Variants in EPB41L5 observed in about 807,000 individuals in gnomAD.
EPB41L5 encodes erythrocyte membrane protein band 4.1 like 5.
EPB41L5 carries 55 observed loss-of-function variants against 106.6 expected under a neutral mutation model. The ratio of observed to expected loss-of-function variants is 0.52; its 90% CI spans 0.42 to 0.65. The LOEUF (loss-of-function observed/expected upper bound fraction) is 0.65. Ranked by LOEUF, EPB41L5 falls within the 30% of genes least tolerant of loss-of-function variation. The pLI is 0.00. For synonymous variants in EPB41L5, 297 were observed against 306.7 expected, an observed-to-expected ratio of 0.97 and a Z score of 0.33; for missense variants, 871 against 882.1, an observed-to-expected ratio of 0.99 and a Z score of 0.16.
intron 3 of EPB41L5, among the ~76,000 whole-genome samples, chr2:120,071,443 C>T (rs1681859187): frequency 6.7e-6 from 1 of 149,890 alleles, no homozygotes; most frequent in African/African-American, 2.4e-5. Flanking sequence ...CCCCATCAAG[C>T]TACCTGAAAA....
At chr2:120,044,048 G>A (rs985185831) in intron 3 of EPB41L5, among the ~76,000 whole-genome samples, 6 of 151,406 alleles carry the variant, frequency 4.0e-5, no homozygotes, top group African/African-American at 1.2e-4. Context: ...TGGGAGGTGG[G>A]AGGATCGCAT....
intron 10 of EPB41L5, among the ~76,000 whole-genome samples, chr2:120,081,169 A>G (rs904248718): frequency 1.3e-5 from 2 of 152,168 alleles, no homozygotes; most frequent in African/African-American, 4.8e-5. Context: ...TGTTTTAGAC[A>G]TGAAGTCTTT....
chr2:120,125,805 C>T (rs1685436084), intron 16 of EPB41L5, among the ~76,000 whole-genome samples: 1 of 152,144 alleles, frequency 6.6e-6, no homozygotes, highest in African/African-American at 2.4e-5. Flanking sequence ...GCTAGGACTA[C>T]TGTTACAAGG....
Position 120,160,894 on chromosome 2 carries a change from G to A in EPB41L5, c.1807G>A (p.Glu603Lys). The A allele has an allele frequency of 6.2e-7, 1 of 1,612,654 alleles. No homozygotes were observed. Among genetic ancestry groups the A allele is most frequent in the South Asian group, 1.1e-5 (1 of 91,034 alleles). Reference sequence around the variant, plus strand: ...TTTTCTTCCTAGTGCTGTGTTAAATGAGAATAATGTGCCCCTCCCCAAAGA... The same window carrying A: ...TTTTCTTCCTAGTGCTGTGTTAAATAAGAATAATGTGCCCCTCCCCAAAGA... The part of the protein sequence containing the change: ...DAATNSAVLN[E>K]NNVPLPKESL... The change falls in exon 21 of 25, where the codon GAG (glutamate) becomes AAG (lysine). Residue 603 changes from glutamate to lysine, a missense_variant. Physicochemically the swap from Glu to Lys is moderately conservative, Grantham distance 56 (BLOSUM62 1). Transcript: ENST00000263713.
intron 16 of EPB41L5, among the ~76,000 whole-genome samples, chr2:120,117,839 C>G (rs961350658): frequency 6.6e-6 from 1 of 152,056 alleles, no homozygotes; most frequent in Non-Finnish European, 1.5e-5. Context: ...TTGCTTGTTC[C>G]TCTCCCCCTG....
At chr2:120,074,513 A>G (rs187738366) in intron 5 of EPB41L5, 2 of 175,616 alleles carry the variant, frequency 1.1e-5, no homozygotes, top group East Asian at 1.5e-4. Flanking sequence ...AAAATAATCT[A>G]TCTTTGGCCA....
intron 14 of EPB41L5, among the ~76,000 whole-genome samples, chr2:120,096,675 A>G (rs1683778035): frequency 1.3e-5 from 2 of 152,156 alleles, no homozygotes; most frequent in Admixed American, 1.3e-4. Flanking sequence ...CTGTAATCCC[A>G]GCTACTCTGG....
At chr2:120,141,577 A>C (rs547441800) in intron 18 of EPB41L5, among the ~76,000 whole-genome samples, 31 of 152,262 alleles carry the variant, frequency 2.0e-4, no homozygotes, top group Non-Finnish European at 1.8e-4. Flanking sequence ...GTCTTAATTC[A>C]AAGGGTTCAA....
intron 16 of EPB41L5, among the ~76,000 whole-genome samples, chr2:120,119,323 T>G (rs1209688310): frequency 6.6e-6 from 1 of 152,130 alleles, no homozygotes; most frequent in East Asian, 1.9e-4. Flanking sequence ...TTGTTTTTGT[T>G]TTTTGTTTTT....
intron 2 of EPB41L5, among the ~76,000 whole-genome samples, chr2:120,029,762 A>G (rs1442806578): frequency 6.6e-6 from 1 of 152,234 alleles, no homozygotes; most frequent in Non-Finnish European, 1.5e-5. Context: ...GTCCATTTAA[A>G]TGCTATACTA....
chr2:120,048,027 G>T (rs1679931330), intron 3 of EPB41L5, among the ~76,000 whole-genome samples: 1 of 152,174 alleles, frequency 6.6e-6, no homozygotes, highest in South Asian at 2.1e-4. Context: ...GATCATGGTG[G>T]ATAAGCTTTT....
At chr2:120,102,133 A>G (rs756446810) in intron 16 of EPB41L5, among the ~76,000 whole-genome samples, 3 of 152,202 alleles carry the variant, frequency 2.0e-5, no homozygotes, top group African/African-American at 4.8e-5. Context: ...GTCTTTGCCT[A>G]TTATGTTAAT....
At chr2:120,037,186 A>C (rs868625026) in intron 2 of EPB41L5, among the ~76,000 whole-genome samples, 1 of 152,222 alleles carries the variant, frequency 6.6e-6, no homozygotes, top group African/African-American at 2.4e-5. Context: ...TAAGAGAATA[A>C]AATGCTTAGG....
intron 3 of EPB41L5, among the ~76,000 whole-genome samples, chr2:120,063,463 G>A (rs923484044): frequency 1.3e-5 from 2 of 151,288 alleles, no homozygotes; most frequent in Non-Finnish European, 2.9e-5. Flanking sequence ...AATAGATTAT[G>A]TACTTTATCT....
chr2:120,159,728 G>C (rs1296779724), intron 20 of EPB41L5, among the ~76,000 whole-genome samples: 1 of 152,148 alleles, frequency 6.6e-6, no homozygotes, highest in Non-Finnish European at 1.5e-5. Flanking sequence ...GAACAGAATA[G>C]AGAGCCCAGA....
intron 14 of EPB41L5, among the ~76,000 whole-genome samples, chr2:120,096,586 T>G (rs973501934): frequency 1.3e-5 from 2 of 152,126 alleles, no homozygotes; most frequent in African/African-American, 2.4e-5. Flanking sequence ...GGTCAGGAGT[T>G]TGAGACCAGC....
At chr2:120,144,469 T>A (rs542970975) in intron 19 of EPB41L5, among the ~76,000 whole-genome samples, 2 of 152,334 alleles carry the variant, frequency 1.3e-5, no homozygotes, top group Non-Finnish European at 2.9e-5. Context: ...TCATTTTGGA[T>A]CTTTCTTGAC....
intron 16 of EPB41L5, among the ~76,000 whole-genome samples, chr2:120,124,337 G>A (rs1685362508): frequency 6.6e-6 from 1 of 152,130 alleles, no homozygotes. Flanking sequence ...TTGGCCCAGG[G>A]GAAGTACATG....
Position 120,167,486 on chromosome 2 carries a change from C to G in EPB41L5, c.1983C>G (p.Ile661Met). 3 of 1,613,834 alleles carry G rather than the reference C, an allele frequency of 1.9e-6. No homozygotes were observed. The highest frequency in any genetic ancestry group is 2.5e-6 in the Non-Finnish European group (3 of 1,179,764). ...TTCAGGTGTCTTCCACATCCATGAT[C>G]ACACCCCGGTGGATTGTTCCGGTAA... ...VAPQVSSTSM[I>M]TPRWIVPQSG... The change falls in exon 23 of 25, where the codon ATC becomes ATG. Residue 661 changes from isoleucine (I) to methionine (M), a missense_variant. Coordinates refer to ENST00000263713, the MANE Select transcript of EPB41L5 (RefSeq NM_020909.4).
Sources: gnomAD v4.1 joint callset for allele counts (sites outside exome capture counted in the v4.1 genomes callset) on GRCh38, gnomAD v4.1.1 for gene constraint, MANE v1.5 for transcripts, NCBI Gene and HGNC (gene_info 2026-07-23, HGNC 2026-07-21) for gene names.